NKD2: variants seen among roughly 807,000 people sequenced by gnomAD.
NKD2 encodes the protein protein naked cuticle homolog 2.
In NKD2, 43 loss-of-function variants were observed where a neutral mutation model predicts 34.8. The ratio of observed to expected loss-of-function variants is 1.24; its 90% CI spans 0.97 to 1.60. The LOEUF (loss-of-function observed/expected upper bound fraction) is 1.60. NKD2 is among the 40% of genes most tolerant of loss of function. The probability of loss-of-function intolerance (pLI) is 0.00; values close to 1 mark genes in which losing one functional copy is unlikely to be tolerated. For missense variants in NKD2, 675 were observed against 627.1 expected (o/e 1.08, Z -0.82); for synonymous variants, 278 against 265.1 (o/e 1.05, Z -0.47).
chr5:1,021,476 T>G (rs186458679), intron 3 of NKD2, among the ~76,000 whole-genome samples: 71 of 149,484 alleles, frequency 4.7e-4, no homozygotes, highest in African/African-American at 1.4e-3. Flanking sequence ...TCTTTCACTT[T>G]AGAACCAGAA....
At position 1,033,510 on chromosome 5, in the gene NKD2, C is replaced by G; in HGVS notation, c.330+11C>G. ...CGCCTCAACATTGACGTGGGTCTCT[C>G]TCCGGCCTCACTTGCGGGAACACGT... On this transcript the variant is annotated intron_variant, in intron 5 of 9. Coordinates refer to ENST00000296849, the MANE Select transcript of NKD2 (RefSeq NM_033120.4). The G allele has an allele frequency of 6.5e-7, 1 of 1,543,978 alleles. No individual in the cohort carries two copies. Among genetic ancestry groups the G allele is most frequent in the Non-Finnish European group, 8.8e-7 (1 of 1,142,578 alleles).
Position 1,038,788 on chromosome 5 carries a change from C to T in NKD2, c.*415C>T, listed in dbSNP as rs1456543626. 6 of 385,846 alleles carry T rather than the reference C, an allele frequency of 1.6e-5. No homozygotes were observed. Among genetic ancestry groups the T allele is most frequent in the South Asian group, 8.4e-5 (3 of 35,744 alleles). The allele number at this position is 385,846 out of a possible 1,614,324, so 23.9% of individuals were successfully genotyped here. On this transcript the variant is annotated 3_prime_UTR_variant, in exon 10 of 10. Transcript: ENST00000296849. The surrounding 1 kb of genome is among the most constrained non-coding windows in gnomAD (Gnocchi z 4.5). Reference sequence around the variant, plus strand: ...GGCTGTCCCAGTGCGAGGCCGGGAGCGAATGGAAAAGCTGAGGCTTTGCCT... The same window carrying T: ...GGCTGTCCCAGTGCGAGGCCGGGAGTGAATGGAAAAGCTGAGGCTTTGCCT...
intron 3 of NKD2, among the ~76,000 whole-genome samples, chr5:1,013,327 G>A (rs1354647570): frequency 1.3e-5 from 2 of 152,230 alleles, no homozygotes; most frequent in African/African-American, 2.4e-5. Context: ...TGTCATGGCT[G>A]CCCTTTGCTT....
rs1390258357 is a variant in NKD2, at chr5:1,009,952, G to A, written c.141+392G>A. Among the ~76,000 whole-genome samples the A allele has an allele frequency of 2.0e-5, 3 of 152,176 alleles. No individual in the cohort carries two copies. The East Asian group carries it at 5.8e-4, about 29-fold the overall frequency. ...TGGATGAGCTGGAGGAGTTGGAGGA[G>A]GGGTGGGAGCTACAGACCTGGGGCA... On this transcript the variant is annotated intron_variant, in intron 3 of 9. Transcript: ENST00000296849. The surrounding 1 kb of genome is among the most constrained non-coding windows in gnomAD (Gnocchi z 6.9).
Position 1,038,222 on chromosome 5 carries a change from A to G in NKD2, c.1205A>G (p.Gln402Arg). Reference protein sequence around the residue: ...GHSPLKAPHAQPATVEHEVVR... With the variant: ...GHSPLKAPHARPATVEHEVVR... ...TCGCCACTCAAGGCCCCACACGCTC[A>G]GCCTGCCACAGTGGAGCACGAGGTG... Residue 402 changes from glutamine to arginine, a missense_variant, in exon 10 of 10, where the codon CAG becomes CGG. Coordinates refer to ENST00000296849, the MANE Select transcript of NKD2 (RefSeq NM_033120.4). The surrounding 1 kb of genome is among the most constrained non-coding windows in gnomAD (Gnocchi z 4.5). The G allele has an allele frequency of 6.3e-7, 1 of 1,591,420 alleles. No individual in the cohort carries two copies. The highest frequency in any genetic ancestry group is 8.5e-7 in the Non-Finnish European group (1 of 1,171,398).
intron 7 of NKD2, 51 bp downstream of exon 7, chr5:1,034,954 G>A (rs1342020251): frequency 1.3e-6 from 2 of 1,532,324 alleles, no homozygotes; most frequent in East Asian, 2.4e-5. Flanking sequence ...ATTGGCAGGG[G>A]CCTAAGCTGT....
chr5:1,018,538 G>T (rs567636034), intron 3 of NKD2, among the ~76,000 whole-genome samples: 1 of 152,212 alleles, frequency 6.6e-6, no homozygotes, highest in East Asian at 1.9e-4. Flanking sequence ...CACGTGTGTT[G>T]GGGGGAGAGA....
chr5:1,019,119 G>A (rs969082233), intron 3 of NKD2, among the ~76,000 whole-genome samples: 1 of 152,172 alleles, frequency 6.6e-6, no homozygotes, highest in Non-Finnish European at 1.5e-5. Context: ...CCGGGGCGGT[G>A]GTCCTGGCTG....
chr5:1,022,292 C>T (rs1756232971), intron 3 of NKD2, among the ~76,000 whole-genome samples: 4 of 110,042 alleles, frequency 3.6e-5, no homozygotes, highest in African/African-American at 1.2e-4. Flanking sequence ...TCTTCCCACC[C>T]GCTGTGGGTG....
rs551438799 is a variant in NKD2, at chr5:1,034,271, C to A, written c.367C>A (p.Arg123Ser). The change falls in exon 6 of 10, where the codon CGC becomes AGC. Residue 123 changes from arginine to serine, a missense_variant. By Grantham distance (110) the Arg-to-Ser change is moderately radical. Transcript: ENST00000296849. Reference protein sequence around the residue: ...QCDVSVEEDDRQEWTFTLYDF... With the variant: ...QCDVSVEEDDSQEWTFTLYDF... Reference sequence around the variant, plus strand: ...CGATGTCTCGGTGGAGGAGGACGACCGCCAGGAGTGGACGTTCACGCTCTA... The same window carrying A: ...CGATGTCTCGGTGGAGGAGGACGACAGCCAGGAGTGGACGTTCACGCTCTA... 2.5e-6 allele frequency: 4 copies of A among 1,611,540 alleles called. No individual in the cohort carries two copies. The highest frequency in any genetic ancestry group is 3.4e-6 in the Non-Finnish European group (4 of 1,179,516).
rs376476025 is a variant in NKD2 at position 1,025,054 on chromosome 5, T to C, written c.142-7098T>C. On this transcript the variant is annotated intron_variant, in intron 3 of 9. Coordinates refer to ENST00000296849, the MANE Select transcript of NKD2 (RefSeq NM_033120.4). The stretch of plus-strand genomic sequence containing the variant: ...CTGCTCTTCCCACCCTCTGTGGGTG[T>C]CCCAGCCCGTTGTCCCTGCTCTTCC... Among the ~76,000 whole-genome samples the C allele has an allele frequency of 1.3e-3, 29 of 22,242 alleles. No homozygotes were observed. In the South Asian group the frequency reaches 0.025, roughly 19 times the overall value. The allele number at this position is 22,242 out of a possible 152,430, so 14.6% of individuals were successfully genotyped here.
chr5:1,035,537 C>T, intron 8 of NKD2, 64 bp downstream of exon 8: 2 of 1,323,944 alleles, frequency 1.5e-6, no homozygotes, highest in Non-Finnish European at 2.1e-6. Context: ...CACACCCCTG[C>T]TTCCCGCAGG....
rs547438582 is a variant in NKD2, at chr5:1,015,158, G to A, written c.141+5598G>A. On this transcript the variant is annotated intron_variant, in intron 3 of 9. Transcript: ENST00000296849. Reference sequence around the variant, plus strand: ...AAGTGCCGGGGTGCTGCAAGCCAGAGGGGTGCGTGAGTCCGTGAGCTTGTG... The same window carrying A: ...AAGTGCCGGGGTGCTGCAAGCCAGAAGGGTGCGTGAGTCCGTGAGCTTGTG... Among the ~76,000 whole-genome samples, 4 of 152,352 alleles carry A rather than the reference G, an allele frequency of 2.6e-5. No individual in the cohort carries two copies. The South Asian group carries it at 8.3e-4, about 32-fold the overall frequency.
chr5:1,009,258 G>C lies in NKD2; in HGVS notation c.61+44G>C. ...GGGCGGGGCGGGGGGCGGCGACCCG[G>C]CCCGGGACCCTCAGAGCTAGGAGCC... is the stretch of plus-strand genomic sequence containing the variant. On this transcript the variant is annotated intron_variant, in intron 2 of 9. Transcript: ENST00000296849. This position sits in a 1 kb window ranked among gnomAD's most constrained non-coding sequence, Gnocchi z 6.9. The C allele has an allele frequency of 2.1e-6, 1 of 486,852 alleles. No individual in the cohort carries two copies. The highest frequency in any genetic ancestry group is 3.6e-6 in the Non-Finnish European group (1 of 280,490). The allele number at this position is 486,852 out of a possible 1,614,324, so 30.2% of individuals were successfully genotyped here.
At chr5:1,017,669 C>T (rs968409884) in intron 3 of NKD2, among the ~76,000 whole-genome samples, 4 of 102,376 alleles carry the variant, frequency 3.9e-5, no homozygotes, top group African/African-American at 2.1e-4. Context: ...GCCCACAGCC[C>T]CCCACCACGG....
Position 1,009,136 on chromosome 5 carries a change from T to C in NKD2, c.26-43T>C, listed in dbSNP as rs1443758719. 1.5e-5 allele frequency: 8 copies of C among 519,172 alleles called. No homozygotes were observed. Among genetic ancestry groups the C allele is most frequent in the Non-Finnish European group, 2.7e-5 (8 of 293,100 alleles). The allele number at this position is 519,172 out of a possible 1,614,324, so 32.2% of individuals were successfully genotyped here. A position where few individuals can be genotyped will look rare whatever the true frequency, so the allele number is the denominator to read the frequency against. On this transcript the variant is annotated intron_variant, in intron 1 of 9. Transcript: ENST00000296849. The surrounding 1 kb of genome is among the most constrained non-coding windows in gnomAD (Gnocchi z 6.9). Reference sequence around the variant, plus strand: ...GCGGGCGGGCGGGCGTGGGGCCGCCTCTCACTGTCGTTTTCCTCTCCCCGC... The same window carrying C: ...GCGGGCGGGCGGGCGTGGGGCCGCCCCTCACTGTCGTTTTCCTCTCCCCGC...
chr5:1,033,429 C>T lies in NKD2; in HGVS notation c.260C>T (p.Ala87Val), dbSNP rs777112567. ...GAGCACCCGGGACAACTCCTCAGCG[C>T]AGATGACGGAGAGAGGGCAGCAAAC... is the stretch of plus-strand genomic sequence containing the variant. ...GREHPGQLLS[A>V]DDGERAANRE... The change falls in exon 5 of 10, where the codon GCA becomes GTA. Residue 87 changes from alanine to valine, a missense_variant. Transcript: ENST00000296849. 1 of 1,585,622 alleles carries T rather than the reference C, an allele frequency of 6.3e-7. No individual in the cohort carries two copies. The highest frequency in any genetic ancestry group is 8.6e-7 in the Non-Finnish European group (1 of 1,166,662).
chr5:1,019,769 C>T (rs1033739916), intron 3 of NKD2, among the ~76,000 whole-genome samples: 8 of 152,136 alleles, frequency 5.3e-5, no homozygotes, highest in Admixed American at 6.5e-5. Flanking sequence ...AACCCTGAAA[C>T]GCGGCAGGGT....
At chr5:1,010,729 C>T (rs1445142548) in intron 3 of NKD2, among the ~76,000 whole-genome samples, 1 of 152,196 alleles carries the variant, frequency 6.6e-6, no homozygotes, top group Non-Finnish European at 1.5e-5. Flanking sequence ...TGCACAGGGG[C>T]TTGCTGGTGA....
Sources: gnomAD v4.1 joint callset for allele counts (sites outside exome capture counted in the v4.1 genomes callset) on GRCh38, gnomAD v4.1.1 for gene constraint, Gnocchi (gnomAD v3.1) non-coding constraint, MANE v1.5 for transcripts, NCBI Gene and HGNC (gene_info 2026-07-23, HGNC 2026-07-21) for gene names.